The following ODAD3 variants were observed in gnomAD, a reference collection of about 807,000 sequenced individuals.
ODAD3 encodes the protein outer dynein arm docking complex subunit 3, also known as outer dynein arm-docking complex subunit 3.
Under a neutral mutation model 70.9 loss-of-function variants are expected in ODAD3, and 57 were observed. The observed-to-expected ratio is 0.80, with a 90% confidence interval of 0.65 to 1.00. ODAD3 has a LOEUF of 1.00. Ranked by LOEUF, ODAD3 falls within the 50% of genes least tolerant of loss-of-function variation. The probability of loss-of-function intolerance (pLI) is 0.00; values close to 1 mark genes in which losing one functional copy is unlikely to be tolerated. For synonymous variants in ODAD3, 327 were observed against 315.9 expected, an observed-to-expected ratio of 1.04 and a Z score of -0.37; for missense variants, 797 against 763.9, an observed-to-expected ratio of 1.04 and a Z score of -0.51.
In ODAD3 at chr19:11,422,501, G is replaced by C; in HGVS notation, c.1404C>G (p.His468Gln). The C allele has an allele frequency of 6.3e-7, 1 of 1,594,142 alleles. No homozygotes were observed. Among genetic ancestry groups the C allele is most frequent in the Non-Finnish European group, 8.5e-7 (1 of 1,172,024 alleles). Residue 468 changes from histidine (H) to glutamine (Q), a missense_variant, in exon 10 of 13, where the codon CAC becomes CAG. Transcript: ENST00000356392. The surrounding 1 kb of genome is among the most constrained non-coding windows in gnomAD (Gnocchi z 4.6). ...AMQVAKDSLE[H>Q]LASKLIHITV... is the part of the protein sequence containing the mutation. ...TGATGTGGATCAGCTTGCTGGCCAG[G>C]TGCTCCAGGCTGTCCTTGGCCACTT...
intron 3 of ODAD3, among the ~76,000 whole-genome samples, chr19:11,429,697 C>G (rs555891357): frequency 6.6e-6 from 1 of 152,068 alleles, no homozygotes; most frequent in East Asian, 1.9e-4. Flanking sequence ...CATGAGCCAC[C>G]GCGCCCGGCC....
At chr19:11,425,221 A>ATG (rs1555722328) in intron 7 of ODAD3, among the ~76,000 whole-genome samples, 4 of 120,662 alleles carry the variant, frequency 3.3e-5, no homozygotes, top group Non-Finnish European at 4.8e-5. Context: ...ATGTGTATAT[A>ATG]TGTGTGTATA....
intron 7 of ODAD3, among the ~76,000 whole-genome samples, chr19:11,425,029 GCA>G (rs1599456961): frequency 1.5e-5 from 2 of 130,254 alleles, no homozygotes; most frequent in East Asian, 2.3e-4. Context: ...ATACATATGT[GCA>G]TATATACATA....
Position 11,421,170 on chromosome 19 carries a change from G to T in ODAD3, c.1633C>A (p.Arg545Ser), listed in dbSNP as rs763143668. The change falls in exon 12 of 13, where the codon CGC becomes AGC. Residue 545 changes from arginine to serine, a missense_variant. Physicochemically the swap from Arg to Ser is moderately radical, Grantham distance 110. Transcript: ENST00000356392. ...GAAGTGGCAAGGGGCAGGGCGATGC[G>T]GGTGTTGTATTCGGGCAGCCTTCCC... ...LEGRLPEYNT[R>S]IALPLATSKD... 1.9e-6 allele frequency: 3 copies of T among 1,613,526 alleles called. No individual in the cohort carries two copies. The highest frequency in any genetic ancestry group is 1.3e-5 in the African/African-American group (1 of 74,822).
chr19:11,431,179 T>G (rs889065093), intron 1 of ODAD3, 159 bp from the exon 2 acceptor site: 7 of 891,676 alleles, frequency 7.9e-6, no homozygotes, highest in Non-Finnish European at 1.2e-5. Context: ...TGGTGCAATC[T>G]CGGCTCACCA....
At chr19:11,432,972 T>G (rs529952784) in intron 1 of ODAD3, among the ~76,000 whole-genome samples, 1 of 151,984 alleles carries the variant, frequency 6.6e-6, no homozygotes, top group South Asian at 2.1e-4. Context: ...TTTTGTACTT[T>G]TAGTAGAGAT....
chr19:11,425,159 A>G (rs1219035615), intron 7 of ODAD3, among the ~76,000 whole-genome samples: 5 of 131,322 alleles, frequency 3.8e-5, no homozygotes, highest in South Asian at 2.4e-4. Context: ...ATGTATATAT[A>G]CATATGTGTA....
At position 11,426,426 on chromosome 19, in the gene ODAD3, G is replaced by T. The variant is rs1274243019; in HGVS notation, c.840+20C>A. 1.2e-6 allele frequency: 2 copies of T among 1,613,738 alleles called. No homozygotes were observed. Among genetic ancestry groups the T allele is most frequent in the Non-Finnish European group, 1.7e-6 (2 of 1,179,880 alleles). On this transcript the variant is annotated intron_variant, in intron 6 of 12. Transcript: ENST00000356392. ...ACCGCGGCAGCTGGGCAGGATGGCC[G>T]AGGGCAAGAGGGGTGGCACCTTGGC...
intron 1 of ODAD3, among the ~76,000 whole-genome samples, chr19:11,434,232 A>C (rs962652149): frequency 6.4e-5 from 7 of 108,634 alleles, no homozygotes; most frequent in South Asian, 5.0e-4. Flanking sequence ...AAAACAAAAC[A>C]AAAAAAAACG....
rs1157969932 is a variant in ODAD3 at position 11,421,699 on chromosome 19, A to G, written c.1568T>C (p.Leu523Pro). 1 of 1,613,000 alleles carries G rather than the reference A, an allele frequency of 6.2e-7. No individual in the cohort carries two copies. Among genetic ancestry groups the G allele is most frequent in the East Asian group, 2.2e-5 (1 of 44,902 alleles). The change falls in exon 11 of 13, where the codon CTG (leucine) becomes CCG (proline). Residue 523 changes from leucine to proline, a missense_variant. Transcript: ENST00000356392. Reference protein sequence around the residue: ...QLQGHDVQEMLCHIANREFLA... With the variant: ...QLQGHDVQEMPCHIANREFLA... ...CACCTCGCGGTTAGCGATGTGGCAC[A>G]GCATCTCCTGCACGTCGTGGCCCTG... is the stretch of plus-strand genomic sequence containing the variant.
Position 11,434,761 on chromosome 19 carries a change from G to T in ODAD3, c.244+12C>A, listed in dbSNP as rs368845185. 11 of 1,604,664 alleles carry T rather than the reference G, an allele frequency of 6.9e-6. No individual in the cohort carries two copies. Among genetic ancestry groups the T allele is most frequent in the Non-Finnish European group, 9.4e-6 (11 of 1,173,558 alleles). On this transcript the variant is annotated intron_variant, in intron 1 of 12. Transcript: ENST00000356392. Reference sequence around the variant, plus strand: ...GACCCCTGACCCTCTGTACCCTCTGGAGCCATCTTACCTAACAGTTGTATC... The same window carrying T: ...GACCCCTGACCCTCTGTACCCTCTGTAGCCATCTTACCTAACAGTTGTATC...
At chr19:11,430,202 A>G (rs1437077599) in intron 3 of ODAD3, among the ~76,000 whole-genome samples, 1 of 151,854 alleles carries the variant, frequency 6.6e-6, no homozygotes, top group Non-Finnish European at 1.5e-5. Context: ...TAATGGCACA[A>G]TCTCGGCTCA....
intron 1 of ODAD3, among the ~76,000 whole-genome samples, chr19:11,431,929 C>T (rs1004511231): frequency 2.2e-5 from 3 of 133,724 alleles, no homozygotes; most frequent in South Asian, 2.4e-4. Flanking sequence ...GGTGACAGAG[C>T]GAGACTCTGC....
chr19:11,425,884 A>AG (rs1429856451), intron 7 of ODAD3, among the ~76,000 whole-genome samples: 7 of 143,472 alleles, frequency 4.9e-5, no homozygotes, highest in South Asian at 2.3e-4. Context: ...AAGGATGGGT[A>AG]GGGGGGTCAC....
intron 11 of ODAD3, 61 bp from the exon 12 acceptor site, chr19:11,421,273 A>G (rs1443753593): frequency 1.4e-6 from 2 of 1,463,934 alleles, no homozygotes; most frequent in East Asian, 4.7e-5. Context: ...CCGAGAAGTC[A>G]CGTTCCCCCT....
At chr19:11,434,654 A>C (rs1969612204) in intron 1 of ODAD3, 119 bp downstream of exon 1, 3 of 1,276,032 alleles carry the variant, frequency 2.4e-6, no homozygotes, top group Non-Finnish European at 3.2e-6. Context: ...ACTAAGTATG[A>C]GTTTTTGCCC....
At chr19:11,432,539 C>T (rs983048260) in intron 1 of ODAD3, among the ~76,000 whole-genome samples, 1 of 152,106 alleles carries the variant, frequency 6.6e-6, no homozygotes, top group African/African-American at 2.4e-5. Flanking sequence ...AACCACTGTG[C>T]CCGGCCTGCC....
intron 7 of ODAD3, among the ~76,000 whole-genome samples, chr19:11,425,511 GTA>G (rs1387713726): frequency 1.5e-5 from 2 of 135,896 alleles, no homozygotes; most frequent in Admixed American, 7.3e-5. Context: ...ATATATGTGT[GTA>G]TATATGTATA....
In ODAD3 at chr19:11,425,075, A is replaced by G. The variant is rs1280225158; in HGVS notation, c.964-1046T>C. Reference sequence around the variant, plus strand: ...TATGTGTATATGTGTATATATGTATATGTGTATATGTACATATGTGTATAT... The same window carrying G: ...TATGTGTATATGTGTATATATGTATGTGTGTATATGTACATATGTGTATAT... On this transcript the variant is annotated intron_variant, in intron 7 of 12. Transcript: ENST00000356392. Among the ~76,000 whole-genome samples the G allele has an allele frequency of 3.7e-5, 5 of 135,216 alleles. 1 individual carries two copies. Among genetic ancestry groups the G allele is most frequent in the African/African-American group, 6.3e-5 (2 of 31,596 alleles). The allele number at this position is 135,216 out of a possible 152,430, so 88.7% of individuals were successfully genotyped here.
Sources: allele counts gnomAD v4.1 joint callset (sites outside exome capture counted in the v4.1 genomes callset), GRCh38; gene constraint gnomAD v4.1.1; non-coding constraint Gnocchi (gnomAD v3.1); transcripts MANE v1.5; gene names NCBI Gene and HGNC (gene_info 2026-07-23, HGNC 2026-07-21).